Variants in CCDC33 observed in about 807,000 individuals in gnomAD.
The protein encoded by CCDC33 is coiled-coil domain-containing protein 33.
Under a neutral mutation model 91.9 loss-of-function variants are expected in CCDC33, and 94 were observed. The ratio of observed to expected loss-of-function variants is 1.02; its 90% confidence interval spans 0.87 to 1.21. The LOEUF is 1.21. Ranked by LOEUF, CCDC33 falls within the 50% of genes most tolerant of loss-of-function variation. The pLI is 0.00. For missense variants in CCDC33, 940 were observed against 935.5 expected (o/e 1.00, Z -0.06); for synonymous variants, 396 against 374.5 (o/e 1.06, Z -0.66).
chr15:74,274,093 G>A (rs1052987920), intron 7 of CCDC33, among the ~76,000 whole-genome samples: 4 of 152,112 alleles, frequency 2.6e-5, no homozygotes, highest in Non-Finnish European at 4.4e-5. Context: ...GCCTCCCAAA[G>A]TGCTGGAATT....
In CCDC33 at chr15:74,271,689, C is replaced by T. The variant is rs909679805; in HGVS notation, c.547-14C>T. On this transcript the variant is annotated splice_polypyrimidine_tract_variant and intron_variant, in intron 5 of 18. Coordinates refer to ENST00000398814, the MANE Select transcript of CCDC33 (RefSeq NM_025055.5). The stretch of plus-strand genomic sequence containing the variant: ...CACATGGTGTTCACCTGCCTCCTCT[C>T]CTCTCCTCTCCAGATCTTTCTCCGG... The T allele has an allele frequency of 3.1e-6, 5 of 1,608,020 alleles. No individual in the cohort carries two copies. The African/African-American group carries it at 5.3e-5, about 17-fold the overall frequency.
In CCDC33 at chr15:74,316,241, C is replaced by A. The variant is rs1417155344; in HGVS notation, c.1291-13948C>A. ...GGCTTCCCTCCCTCTCAGCAGCCCA[C>A]ACTTGTTCTATGTCCGGTGATGGGT... On this transcript the variant is annotated intron_variant, in intron 11 of 18. Coordinates refer to ENST00000398814, the MANE Select transcript of CCDC33 (RefSeq NM_025055.5). This position sits in a 1 kb window ranked among gnomAD's most constrained non-coding sequence, Gnocchi z 4.7. 1.3e-5 allele frequency among the ~76,000 whole-genome samples: 2 copies of A among 152,298 alleles called. No homozygotes were observed. The highest frequency in any genetic ancestry group is 3.9e-4 in the East Asian group (2 of 5,176).
At chr15:74,257,316 T>C (rs2075897320) in intron 2 of CCDC33, among the ~76,000 whole-genome samples, 1 of 152,182 alleles carries the variant, frequency 6.6e-6, no homozygotes, top group African/African-American at 2.4e-5. Flanking sequence ...AGCATGGGGC[T>C]GGGGGAGGCG....
intron 2 of CCDC33, among the ~76,000 whole-genome samples, chr15:74,228,142 C>G (rs1261473521): frequency 6.6e-6 from 1 of 152,222 alleles, no homozygotes; most frequent in Non-Finnish European, 1.5e-5. Flanking sequence ...GAGAGCACTG[C>G]AGTCCCTGGG....
At chr15:74,234,247 G>A (rs1165052871), upstream of CCDC33, among the ~76,000 whole-genome samples, 1 of 152,218 alleles carries the variant, frequency 6.6e-6, no homozygotes, top group Non-Finnish European at 1.5e-5. Flanking sequence ...TCCAAGTGCT[G>A]TCTCCTGTGG....
At chr15:74,288,719 A>T (rs928859359) in intron 10 of CCDC33, among the ~76,000 whole-genome samples, 12 of 152,118 alleles carry the variant, frequency 7.9e-5, no homozygotes, top group African/African-American at 2.9e-4. Context: ...TTTATCATGC[A>T]ACACACTCAC....
At position 74,316,093 on chromosome 15, in the gene CCDC33, T is replaced by C. The variant is rs535063116; in HGVS notation, c.1291-14096T>C. On this transcript the variant is annotated intron_variant, in intron 11 of 18. Coordinates refer to ENST00000398814, the MANE Select transcript of CCDC33 (RefSeq NM_025055.5). The surrounding 1 kb of genome is among the most constrained non-coding windows in gnomAD (Gnocchi z 4.7). ...GTGTGTCTCACCCAGTGATAAGGGG[T>C]GGGCAAGGGGCAGGGGTGGGGGCTC... is the stretch of plus-strand genomic sequence containing the variant. Among the ~76,000 whole-genome samples, 1 of 149,326 alleles carries C rather than the reference T, an allele frequency of 6.7e-6. No homozygotes were observed. The highest frequency in any genetic ancestry group is 2.4e-5 in the African/African-American group (1 of 41,032).
rs138998519 is a variant in CCDC33 at position 74,268,583 on chromosome 15, A to G, written c.546+125A>G. 566 of 693,522 alleles carry G rather than the reference A, an allele frequency of 8.2e-4. 2 individuals are homozygous for G. In the African/African-American group the frequency reaches 9.2e-3, roughly 11 times the overall value. 43.0% of individuals were successfully genotyped at this position (693,522 alleles called of 1,614,324 possible). ...GAGGGTGTGGAGCAGAGATGTCAAGAATGGAAAAAGCAACCAGGCCTTTCC... is the reference window on the plus strand; with the variant it reads ...GAGGGTGTGGAGCAGAGATGTCAAGGATGGAAAAAGCAACCAGGCCTTTCC... On this transcript the variant is annotated intron_variant, in intron 5 of 18. Coordinates refer to ENST00000398814, the MANE Select transcript of CCDC33 (RefSeq NM_025055.5).
rs1487113788 is a variant in CCDC33, at chr15:74,330,244, T to G, written c.1346T>G (p.Leu449Arg). 1.2e-6 allele frequency: 2 copies of G among 1,612,878 alleles called. No homozygotes were observed. The highest frequency in any genetic ancestry group is 1.7e-4 in the Middle Eastern group (1 of 5,728). Reference sequence around the variant, plus strand: ...AAGATGGCAGAGGACATCCTGTCTCTGCGGAGACAGGCCAGCATCCTGGAA... The same window carrying G: ...AAGATGGCAGAGGACATCCTGTCTCGGCGGAGACAGGCCAGCATCCTGGAA... ...MQKMAEDILS[L>R]RRQASILEGE... The change falls in exon 12 of 19, where the codon CTG becomes CGG. Residue 449 changes from leucine (L) to arginine (R), a missense_variant. Coordinates refer to ENST00000398814, the MANE Select transcript of CCDC33 (RefSeq NM_025055.5).
intron 2 of CCDC33, among the ~76,000 whole-genome samples, chr15:74,259,737 G>A (rs2142361452): frequency 6.6e-6 from 1 of 152,328 alleles, no homozygotes; most frequent in East Asian, 1.9e-4. Context: ...CTCCCAGGAG[G>A]GTTGGGAGGA....
chr15:74,209,059 C>G (rs2074326967), intron 1 of CCDC33: 2 of 1,209,492 alleles, frequency 1.7e-6, no homozygotes, highest in Non-Finnish European at 2.1e-6. Context: ...CTCCCCCCTT[C>G]TCCAGTCTGG....
chr15:74,221,216 GTTTTTTTTTTTTT>G (rs56039521), intron 2 of CCDC33: 21 of 676,442 alleles, frequency 3.1e-5, no homozygotes, highest in African/African-American at 1.9e-4. Context: ...TGTGGCACTG[GTTTTTTTTTTTTT>G]TTTTTTTTTT....
chr15:74,229,914 C>T lies in CCDC33; in HGVS notation c.675+11053C>T, dbSNP rs576828282. Among the ~76,000 whole-genome samples, 367 of 152,338 alleles carry T rather than the reference C, an allele frequency of 2.4e-3. 1 individual carries two copies. Among genetic ancestry groups the T allele is most frequent in the South Asian group, 3.9e-3 (19 of 4,830 alleles). On this transcript the variant is annotated intron_variant, in intron 2 of 2. Coordinates refer to the CCDC33 transcript ENST00000635913. ...ATCATGAGCCAGGGCAGGGGAGGCC[C>T]ATGGGCTGTGGATCTGATGTCCCTG...
chr15:74,323,002 C>A (rs1021601495), intron 11 of CCDC33, among the ~76,000 whole-genome samples: 1 of 152,142 alleles, frequency 6.6e-6, no homozygotes, highest in East Asian at 1.9e-4. Flanking sequence ...AGAGTGAAGC[C>A]CCTCCCCGCT....
At chr15:74,288,934 T>C (rs1451288245) in intron 10 of CCDC33, among the ~76,000 whole-genome samples, 2 of 152,170 alleles carry the variant, frequency 1.3e-5, no homozygotes, top group African/African-American at 2.4e-5. Flanking sequence ...ATAGTGAAGA[T>C]TGAATGAGGA....
upstream of CCDC33, among the ~76,000 whole-genome samples, chr15:74,215,687 C>CA (rs2074423127): frequency 6.6e-6 from 1 of 151,936 alleles, no homozygotes; most frequent in African/African-American, 2.4e-5. Flanking sequence ...CCAACAGAGC[C>CA]ACCTCAGATT....
chr15:74,295,330 G>A (rs1596054088), intron 10 of CCDC33, among the ~76,000 whole-genome samples: 1 of 152,288 alleles, frequency 6.6e-6, no homozygotes, highest in Non-Finnish European at 1.5e-5. Context: ...TGGTAGAGTA[G>A]GTGCTATGAA....
intron 11 of CCDC33, among the ~76,000 whole-genome samples, chr15:74,319,102 A>G (rs1405649781): frequency 6.6e-6 from 1 of 152,226 alleles, no homozygotes; most frequent in Non-Finnish European, 1.5e-5. Flanking sequence ...CAGTGGAAGC[A>G]GCAGCTCAGA....
intron 2 of CCDC33, among the ~76,000 whole-genome samples, chr15:74,220,273 T>C (rs1213201975): frequency 6.6e-6 from 1 of 152,216 alleles, no homozygotes; most frequent in Non-Finnish European, 1.5e-5. Context: ...CATGGCCCAC[T>C]ATGGCCTCTG....
Sources: gnomAD v4.1 joint callset for allele counts (sites outside exome capture counted in the v4.1 genomes callset) on GRCh38, gnomAD v4.1.1 for gene constraint, Gnocchi (gnomAD v3.1) non-coding constraint, MANE v1.5 for transcripts, NCBI Gene and HGNC (gene_info 2026-07-23, HGNC 2026-07-21) for gene names.